RGS8: variants seen among roughly 807,000 people sequenced by gnomAD.
RGS8 encodes the protein regulator of G-protein signaling 8.
In RGS8, 8 loss-of-function variants were observed where a neutral mutation model predicts 21.7. The ratio of observed to expected loss-of-function variants is 0.37; its 90% CI spans 0.22 to 0.66. The LOEUF (loss-of-function observed/expected upper bound fraction) is 0.66. RGS8 is among the 30% of genes least tolerant of loss of function. The probability of loss-of-function intolerance (pLI) is 0.59; values close to 1 mark genes in which losing one functional copy is unlikely to be tolerated. For missense variants in RGS8, 157 were observed against 217.9 expected (o/e 0.72, Z 1.76); for synonymous variants, 80 against 83.6 (o/e 0.96, Z 0.24).
chr1:182,742,667 G>A, the RGS8 span, among the ~76,000 whole-genome samples: 7 of 152,208 alleles, frequency 4.6e-5, no homozygotes, highest in African/African-American at 1.7e-4. Context: ...CAGGGAGGTT[G>A]CAGTGAGCCG....
chr1:182,651,088 A>G (rs984667900), intron 5 of RGS8, among the ~76,000 whole-genome samples: 1 of 152,216 alleles, frequency 6.6e-6, no homozygotes, highest in Non-Finnish European at 1.5e-5. Context: ...AAAACTCTGG[A>G]GGAAGGGAAT....
chr1:182,682,489 G>A (rs1248831082), intron 1 of RGS8, among the ~76,000 whole-genome samples: 7 of 152,156 alleles, frequency 4.6e-5, no homozygotes, highest in Non-Finnish European at 1.0e-4. Flanking sequence ...TTTGTTCTAG[G>A]AAGTTGGGAG....
chr1:182,712,675 A>C, the RGS8 span, among the ~76,000 whole-genome samples: 1 of 152,242 alleles, frequency 6.6e-6, no homozygotes, highest in African/African-American at 2.4e-5. Context: ...AGCCATGGAG[A>C]CCTCAGATTT....
chr1:182,674,587 A>G (rs145062724), upstream of RGS8, among the ~76,000 whole-genome samples: 8 of 152,328 alleles, frequency 5.3e-5, no homozygotes, highest in African/African-American at 1.9e-4. Flanking sequence ...AATCTTCCAA[A>G]GAGGCCAGGG....
At chr1:182,662,651 A>G (rs1354953498) in intron 5 of RGS8, among the ~76,000 whole-genome samples, 1 of 152,240 alleles carries the variant, frequency 6.6e-6, no homozygotes, top group Non-Finnish European at 1.5e-5. Flanking sequence ...AATATTGACA[A>G]GACGGAATTG....
the RGS8 span, among the ~76,000 whole-genome samples, chr1:182,748,575 A>C: frequency 6.6e-6 from 1 of 152,250 alleles, no homozygotes; most frequent in Non-Finnish European, 1.5e-5. Flanking sequence ...ACAAGAGTGC[A>C]GATATCTCTG....
At chr1:182,726,526 C>T in the RGS8 span, among the ~76,000 whole-genome samples, 1 of 152,054 alleles carries the variant, frequency 6.6e-6, no homozygotes, top group South Asian at 2.1e-4. Flanking sequence ...CAAAATTAGC[C>T]GAGCATGGTG....
At chr1:182,648,157 C>T (rs765758699) in exon 6 of RGS8, 11 of 1,611,330 alleles carry the variant, frequency 6.8e-6, no homozygotes, top group Admixed American at 6.7e-5. Context: ...GCCTGCACAT[C>T]CACAAACTCC....
At chr1:182,718,951 C>T in the RGS8 span, among the ~76,000 whole-genome samples, 4 of 151,958 alleles carry the variant, frequency 2.6e-5, no homozygotes, top group East Asian at 3.9e-4. Context: ...ATGGAAATGT[C>T]GAAGGGATTC....
chr1:182,713,863 T>C, the RGS8 span, among the ~76,000 whole-genome samples: 7 of 152,198 alleles, frequency 4.6e-5, no homozygotes, highest in Non-Finnish European at 8.8e-5. Context: ...TTTAAAGTAA[T>C]TTTTTATTGC....
the RGS8 span, among the ~76,000 whole-genome samples, chr1:182,722,562 C>A: frequency 6.6e-6 from 1 of 152,074 alleles, no homozygotes; most frequent in Non-Finnish European, 1.5e-5. Flanking sequence ...TCTTTCTATG[C>A]GTCTGGTGGC....
At chr1:182,690,943 C>T in the RGS8 span, among the ~76,000 whole-genome samples, 1 of 152,204 alleles carries the variant, frequency 6.6e-6, no homozygotes, top group South Asian at 2.1e-4. Context: ...TCTTGGAATA[C>T]TGTAGCTTCC....
the RGS8 span, among the ~76,000 whole-genome samples, chr1:182,739,925 A>G: frequency 6.6e-6 from 1 of 152,190 alleles, no homozygotes; most frequent in Non-Finnish European, 1.5e-5. Context: ...GTCCCTACCC[A>G]TACTGTTTTC....
the RGS8 span, among the ~76,000 whole-genome samples, chr1:182,724,949 T>A: frequency 6.6e-6 from 1 of 152,128 alleles, no homozygotes; most frequent in Non-Finnish European, 1.5e-5. Flanking sequence ...ACATATCTGG[T>A]CTCAAATCCC....
At chr1:182,742,909 CAATT>C in the RGS8 span, among the ~76,000 whole-genome samples, 1 of 152,126 alleles carries the variant, frequency 6.6e-6, no homozygotes, top group Non-Finnish European at 1.5e-5. Context: ...TCAGGGGACA[CAATT>C]AATTACATAA....
At chr1:182,672,040 A>T (rs1664190837), upstream of RGS8, 1 of 571,784 alleles carries the variant, frequency 1.7e-6, no homozygotes, top group Admixed American at 4.2e-5. Context: ...CACTAACCTG[A>T]AGCTCCTCTG....
the RGS8 span, among the ~76,000 whole-genome samples, chr1:182,719,269 A>C: frequency 6.6e-6 from 1 of 152,188 alleles, no homozygotes; most frequent in Non-Finnish European, 1.5e-5. Context: ...TCAGAAAAGC[A>C]GTTTTAAGTG....
At chr1:182,722,164 T>G in the RGS8 span, among the ~76,000 whole-genome samples, 2 of 151,896 alleles carry the variant, frequency 1.3e-5, no homozygotes, top group Non-Finnish European at 2.9e-5. Context: ...AGAGGAAATT[T>G]TGCAAAGTTG....
At chr1:182,647,053 A>G in intron 6 of RGS8, 136 bp from the exon 8 acceptor site, 1 of 733,200 alleles carries the variant, frequency 1.4e-6, no homozygotes, top group Non-Finnish European at 2.2e-6. Flanking sequence ...AATTGCTTCC[A>G]TGGAGGTCAT....
Sources: allele counts gnomAD v4.1 joint callset (sites outside exome capture counted in the v4.1 genomes callset), GRCh38; gene constraint gnomAD v4.1.1; transcripts MANE v1.5; gene names NCBI Gene and HGNC (gene_info 2026-07-23, HGNC 2026-07-21).